RALGAPA2: variants seen among roughly 807,000 people sequenced by gnomAD.
RALGAPA2 encodes the protein Ral GTPase activating protein catalytic subunit alpha 2.
RALGAPA2 carries 139 observed loss-of-function variants against 230.4 expected under a neutral mutation model. The ratio of observed to expected loss-of-function variants is 0.60; its 90% CI spans 0.53 to 0.69. The LOEUF (loss-of-function observed/expected upper bound fraction) is 0.69. Ranked by LOEUF, RALGAPA2 falls within the 30% of genes least tolerant of loss-of-function variation. The pLI, the probability that RALGAPA2 is intolerant of heterozygous loss-of-function variation, is 0.00. For synonymous variants in RALGAPA2, 847 were observed against 837.8 expected, an observed-to-expected ratio of 1.01 and a Z score of -0.19; for missense variants, 2,163 against 2,276.0, an observed-to-expected ratio of 0.95 and a Z score of 1.01.
At chr20:20,594,967 G>A (rs143678013) in intron 16 of RALGAPA2, among the ~76,000 whole-genome samples, 5,555 of 152,030 alleles carry the variant, frequency 0.037, 121 homozygotes, top group South Asian at 0.061. Context: ...TGATCCACCC[G>A]CCTTGGCCTC....
chr20:20,414,319 G>A lies in RALGAPA2; in HGVS notation c.5496-2171C>T, dbSNP rs118152360. Among the ~76,000 whole-genome samples, 677 of 152,246 alleles carry A rather than the reference G, an allele frequency of 4.4e-3. 1 individual carries two copies. The highest frequency in any genetic ancestry group is 6.1e-3 in the Non-Finnish European group (414 of 68,038). ...GACCTGTCATGCTCTGCCTAGCATC[G>A]TCCTGCTGTTTCCTCAAAGGCCCCA... On this transcript the variant is annotated intron_variant, in intron 37 of 39. Coordinates refer to ENST00000202677, the MANE Select transcript of RALGAPA2 (RefSeq NM_020343.4).
At position 20,591,288 on chromosome 20, in the gene RALGAPA2, T is replaced by G. The variant is rs769254856; in HGVS notation, c.2230A>C (p.Asn744His). Reference protein sequence around the residue: ...TEVEECQQSENAPAAGSGHLT... With the variant: ...TEVEECQQSEHAPAAGSGHLT... ...TGGCCAGATCCGGCTGCAGGTGCATTTTCTGACTGTTGACACTCCTCCACT... is the reference window on the plus strand; with the variant it reads ...TGGCCAGATCCGGCTGCAGGTGCATGTTCTGACTGTTGACACTCCTCCACT... Residue 744 changes from asparagine (N) to histidine (H), a missense_variant, in exon 17 of 40, where the codon AAT becomes CAT. Transcript: ENST00000202677. 6.0e-5 allele frequency: 97 copies of G among 1,613,768 alleles called. No homozygotes were observed. The highest frequency in any genetic ancestry group is 1.8e-4 in the Admixed American group (11 of 60,000).
At position 20,512,601 on chromosome 20, in the gene RALGAPA2, C is replaced by G. The variant is rs747247446; in HGVS notation, c.4768G>C (p.Gly1590Arg). Residue 1590 changes from glycine to arginine, a missense_variant, in exon 32 of 40, where the codon GGG (glycine) becomes CGG (arginine). Gly to Arg is a moderately radical substitution (Grantham distance 125, BLOSUM62 -2). Transcript: ENST00000202677. ...CGGGGCTCCACTGGGGAGGGCTGCC[C>G]TTGGCTGGTGACTTTCATTGCAGAA... Reference protein sequence around the residue: ...FDSAMKVTSQGQPSPVEPRGP... With the variant: ...FDSAMKVTSQRQPSPVEPRGP... 6.2e-7 allele frequency: 1 copy of G among 1,613,838 alleles called. No homozygotes were observed.
rs373382890 is a variant in RALGAPA2, at chr20:20,709,709, G to T, written c.106+2666C>A. Among the ~76,000 whole-genome samples the T allele has an allele frequency of 3.3e-5, 5 of 152,232 alleles. 1 individual carries two copies. The South Asian group carries it at 1.0e-3, about 32-fold the overall frequency. Reference sequence around the variant, plus strand: ...CTGTAAAATAAAGTTAATCATACCAGACCAGTCTATAGCCAGGTGAAAGTA... The same window carrying T: ...CTGTAAAATAAAGTTAATCATACCATACCAGTCTATAGCCAGGTGAAAGTA... On this transcript the variant is annotated intron_variant, in intron 1 of 39. Transcript: ENST00000202677.
rs568844039 is a variant in RALGAPA2, at chr20:20,550,329, TA to T, written c.3157-3498del. Among the ~76,000 whole-genome samples the T allele has an allele frequency of 7.9e-5, 12 of 152,278 alleles. No individual in the cohort carries two copies. In the East Asian group the frequency reaches 1.9e-3, roughly 24 times the overall value. On this transcript the variant is annotated intron_variant, in intron 23 of 39. Transcript: ENST00000202677. ...TGTATCCTTTCTCATAAGTAAAAAG[TA>T]ACTCAAGTAATACAATGACAGTAAT... is the stretch of plus-strand genomic sequence containing the variant.
intron 27 of RALGAPA2, among the ~76,000 whole-genome samples, chr20:20,531,373 G>C (rs987956039): frequency 6.6e-6 from 1 of 152,196 alleles, no homozygotes; most frequent in Non-Finnish European, 1.5e-5. Context: ...AGAGGCCAGA[G>C]CACGACACCC....
At chr20:20,586,158 C>A (rs918413027) in intron 18 of RALGAPA2, among the ~76,000 whole-genome samples, 1 of 152,156 alleles carries the variant, frequency 6.6e-6, no homozygotes, top group Non-Finnish European at 1.5e-5. Context: ...AGCCATAGAA[C>A]CAGATCCTAC....
At position 20,390,701 on chromosome 20, in the gene RALGAPA2, T is replaced by TAAAAAAAAAAA; in HGVS notation, c.*2587_*2588insTTTTTTTTTTT. 6.6e-6 allele frequency: 1 copy of TAAAAAAAAAAA among 151,258 alleles called. No individual in the cohort carries two copies. The highest frequency in any genetic ancestry group is 2.4e-5 in the African/African-American group (1 of 41,056). 9.4% of individuals were successfully genotyped at this position (151,258 alleles called of 1,614,324 possible). A position where few individuals can be genotyped will look rare whatever the true frequency, so the allele number is the denominator to read the frequency against. ...TTTGCTTTTCTAAGTAAAAAAAAAA[T>TAAAAAAAAAAA]AAAAAAGAAACTTGATCATTGCAAT... is the stretch of plus-strand genomic sequence containing the variant. On this transcript the variant is annotated 3_prime_UTR_variant, in exon 40 of 40. Coordinates refer to ENST00000202677, the MANE Select transcript of RALGAPA2 (RefSeq NM_020343.4).
intron 23 of RALGAPA2, among the ~76,000 whole-genome samples, chr20:20,563,118 C>T (rs1398999834): frequency 1.3e-5 from 2 of 152,188 alleles, no homozygotes; most frequent in Non-Finnish European, 2.9e-5. Flanking sequence ...CTTAACAATA[C>T]ATGTCAGGAG....
intron 12 of RALGAPA2, among the ~76,000 whole-genome samples, chr20:20,616,648 G>A (rs1274855205): frequency 6.6e-6 from 1 of 152,170 alleles, no homozygotes; most frequent in African/African-American, 2.4e-5. Flanking sequence ...GAGTCTCCCA[G>A]CACATGAACT....
chr20:20,422,358 G>A (rs754044599), intron 37 of RALGAPA2, among the ~76,000 whole-genome samples: 1 of 152,004 alleles, frequency 6.6e-6, no homozygotes, highest in Non-Finnish European at 1.5e-5. Flanking sequence ...CCAGCACTTT[G>A]GAGACTAAGG....
Position 20,712,268 on chromosome 20 carries a change from A to ACCCCCACC in RALGAPA2, c.106+106_106+107insGGTGGGGG. Reference sequence around the variant, plus strand: ...AGGGAAGGGGGTCGGACGCCCACCCATCCCCCTCCCCAGCCTCCCAGCCAC... The same window carrying ACCCCCACC: ...AGGGAAGGGGGTCGGACGCCCACCCACCCCCACCTCCCCCTCCCCAGCCTCCCAGCCAC... On this transcript the variant is annotated intron_variant, in intron 1 of 39. Coordinates refer to ENST00000202677, the MANE Select transcript of RALGAPA2 (RefSeq NM_020343.4). The surrounding 1 kb of genome is among the most constrained non-coding windows in gnomAD (Gnocchi z 5.5). 2 of 346,920 alleles carry ACCCCCACC rather than the reference A, an allele frequency of 5.8e-6. No individual in the cohort carries two copies. The highest frequency in any genetic ancestry group is 4.6e-5 in the Admixed American group (1 of 21,522). The allele number at this position is 346,920 out of a possible 1,614,324, so 21.5% of individuals were successfully genotyped here.
intron 1 of RALGAPA2, among the ~76,000 whole-genome samples, chr20:20,700,871 C>G (rs534859138): frequency 6.6e-6 from 1 of 152,336 alleles, no homozygotes; most frequent in East Asian, 1.9e-4. Context: ...TTGGGAAATT[C>G]TGACTGATGA....
At chr20:20,401,213 C>T (rs754594057) in intron 38 of RALGAPA2, among the ~76,000 whole-genome samples, 2 of 152,054 alleles carry the variant, frequency 1.3e-5, no homozygotes, top group African/African-American at 2.4e-5. Flanking sequence ...TTTAAAATGG[C>T]AAAATGGAAT....
intron 36 of RALGAPA2, among the ~76,000 whole-genome samples, chr20:20,474,609 AG>A (rs2061610421): frequency 6.6e-6 from 1 of 152,212 alleles, no homozygotes; most frequent in South Asian, 2.1e-4. Flanking sequence ...TAGAGTTGTC[AG>A]GATTTGTTGA....
intron 4 of RALGAPA2, among the ~76,000 whole-genome samples, chr20:20,643,934 G>C (rs938489487): frequency 6.6e-6 from 1 of 151,940 alleles, no homozygotes; most frequent in Admixed American, 6.6e-5. Flanking sequence ...ACTTAGAATG[G>C]CATGTTTCTC....
chr20:20,531,917 T>G, intron 26 of RALGAPA2, 122 bp from the exon 27 acceptor site: 50 of 753,194 alleles, frequency 6.6e-5, no homozygotes, highest in Non-Finnish European at 1.0e-4. Flanking sequence ...ATAGATCTAT[T>G]AGCAGAATGT....
chr20:20,543,699 G>A (rs2063708372), intron 24 of RALGAPA2, among the ~76,000 whole-genome samples: 1 of 152,160 alleles, frequency 6.6e-6, no homozygotes, highest in Admixed American at 6.5e-5. Context: ...TTGGACACAG[G>A]AAGGGGAACA....
At chr20:20,462,823 G>A (rs898791579) in intron 37 of RALGAPA2, among the ~76,000 whole-genome samples, 4 of 152,164 alleles carry the variant, frequency 2.6e-5, no homozygotes, top group East Asian at 1.9e-4. Context: ...GCTTTGCAGC[G>A]TCTCTTATTC....
Sources: gnomAD v4.1 joint callset for allele counts (sites outside exome capture counted in the v4.1 genomes callset) on GRCh38, gnomAD v4.1.1 for gene constraint, Gnocchi (gnomAD v3.1) non-coding constraint, MANE v1.5 for transcripts, NCBI Gene and HGNC (gene_info 2026-07-23, HGNC 2026-07-21) for gene names.